Variants in FOXP1 observed in about 807,000 individuals in gnomAD.
The protein encoded by FOXP1 is forkhead box protein P1.
In FOXP1, 15 loss-of-function variants were observed where a neutral mutation model predicts 98.2. The ratio of observed to expected loss-of-function variants is 0.15; its 90% CI spans 0.10 to 0.24. The LOEUF (loss-of-function observed/expected upper bound fraction) is 0.24. FOXP1 is among the 10% of genes least tolerant of loss of function. The pLI, the probability that FOXP1 is intolerant of heterozygous loss-of-function variation, is 1.00. For synonymous variants in FOXP1, 371 were observed against 314.5 expected, an observed-to-expected ratio of 1.18 and a Z score of -1.90; for missense variants, 633 against 848.5, an observed-to-expected ratio of 0.75 and a Z score of 3.15.
At chr3:71,307,091 G>C (rs981132098) in intron 4 of FOXP1, among the ~76,000 whole-genome samples, 1 of 152,110 alleles carries the variant, frequency 6.6e-6, no homozygotes, top group African/African-American at 2.4e-5. Flanking sequence ...AAATGATTTT[G>C]ATTGAAACAT....
chr3:71,180,093 T>C (rs186222127), intron 6 of FOXP1, among the ~76,000 whole-genome samples: 4 of 152,244 alleles, frequency 2.6e-5, no homozygotes. Context: ...CAATATTTTA[T>C]GGGAGTTTTA....
At chr3:71,048,671 T>C (rs556307585) in intron 9 of FOXP1, among the ~76,000 whole-genome samples, 2 of 152,280 alleles carry the variant, frequency 1.3e-5, no homozygotes, top group African/African-American at 2.4e-5. Flanking sequence ...GATAGTTATA[T>C]TCATGTCAAA....
chr3:71,580,026 T>C (rs1045269201), intron 2 of FOXP1, among the ~76,000 whole-genome samples: 18 of 152,208 alleles, frequency 1.2e-4, no homozygotes, highest in South Asian at 4.1e-4. Flanking sequence ...AGTGAACATA[T>C]AGCCTTGCTG....
At chr3:71,039,119 A>C (rs2047995076) in intron 11 of FOXP1, among the ~76,000 whole-genome samples, 1 of 152,034 alleles carries the variant, frequency 6.6e-6, no homozygotes, top group Non-Finnish European at 1.5e-5. Flanking sequence ...AGATAATACA[A>C]ACTGAGAGAT....
intron 3 of FOXP1, among the ~76,000 whole-genome samples, chr3:71,430,991 C>A (rs181183585): frequency 1.3e-5 from 2 of 152,136 alleles, no homozygotes; most frequent in Non-Finnish European, 2.9e-5. Context: ...AGACATTCTA[C>A]CCCACCACTT....
At chr3:71,360,973 C>T (rs2078521775) in intron 3 of FOXP1, among the ~76,000 whole-genome samples, 1 of 152,094 alleles carries the variant, frequency 6.6e-6, no homozygotes, top group African/African-American at 2.4e-5. Context: ...TAAACTCAGG[C>T]CAGATTTGTC....
At chr3:71,246,192 C>T (rs115851888) in intron 5 of FOXP1, among the ~76,000 whole-genome samples, 213 of 152,222 alleles carry the variant, frequency 1.4e-3, no homozygotes, top group African/African-American at 4.2e-3. Context: ...GCCGTGGCTG[C>T]TCTTGAAAGC....
chr3:71,447,331 A>G (rs2108485274), intron 3 of FOXP1, among the ~76,000 whole-genome samples: 1 of 152,278 alleles, frequency 6.6e-6, no homozygotes, highest in African/African-American at 2.4e-5. Context: ...AGGCACCCCA[A>G]CGAGCTTACA....
intron 4 of FOXP1, among the ~76,000 whole-genome samples, chr3:71,345,607 A>C (rs2077287945): frequency 1.3e-5 from 2 of 152,154 alleles, no homozygotes; most frequent in East Asian, 1.9e-4. Context: ...GGTGTTATGC[A>C]AGATCCCTGC....
At chr3:71,090,913 G>A (rs2055744068) in intron 7 of FOXP1, among the ~76,000 whole-genome samples, 1 of 152,100 alleles carries the variant, frequency 6.6e-6, no homozygotes, top group African/African-American at 2.4e-5. Flanking sequence ...GTTGACAACT[G>A]CCACTCTCTG....
chr3:71,316,544 A>G (rs1275982473), intron 4 of FOXP1, among the ~76,000 whole-genome samples: 1 of 152,180 alleles, frequency 6.6e-6, no homozygotes, highest in Non-Finnish European at 1.5e-5. Context: ...GAACAAGCAC[A>G]ACAGTGGATC....
At chr3:71,016,632 A>G (rs576841496) in intron 11 of FOXP1, among the ~76,000 whole-genome samples, 1 of 149,692 alleles carries the variant, frequency 6.7e-6, no homozygotes, top group African/African-American at 2.5e-5. Flanking sequence ...TTGAACTTCA[A>G]GCACAATGAA....
chr3:71,284,263 A>G (rs2071874611), intron 5 of FOXP1, among the ~76,000 whole-genome samples: 1 of 152,140 alleles, frequency 6.6e-6, no homozygotes, highest in Non-Finnish European at 1.5e-5. Context: ...TCTAAAGAAA[A>G]GCAAATTAAT....
At chr3:71,514,476 G>A (rs916166964) in intron 2 of FOXP1, among the ~76,000 whole-genome samples, 2 of 152,178 alleles carry the variant, frequency 1.3e-5, no homozygotes, top group Non-Finnish European at 2.9e-5. Context: ...CAGAATGAGT[G>A]CCCACAAGGC....
At chr3:71,363,053 T>C (rs1269433587) in intron 3 of FOXP1, among the ~76,000 whole-genome samples, 1 of 152,130 alleles carries the variant, frequency 6.6e-6, no homozygotes, top group Non-Finnish European at 1.5e-5. Flanking sequence ...TTTGGTGTGA[T>C]AAATTTTGTC....
chr3:71,101,336 G>A (rs1447143624), intron 7 of FOXP1, among the ~76,000 whole-genome samples: 1 of 152,134 alleles, frequency 6.6e-6, no homozygotes, highest in Non-Finnish European at 1.5e-5. Context: ...GCACCCATGT[G>A]TGTGAAGGTT....
chr3:71,362,607 C>T (rs1172506157), intron 3 of FOXP1, among the ~76,000 whole-genome samples: 2 of 152,160 alleles, frequency 1.3e-5, no homozygotes, highest in Non-Finnish European at 2.9e-5. Context: ...GTAGCTGAGA[C>T]TACAGGCAGG....
At chr3:71,424,391 C>T (rs559750854) in intron 3 of FOXP1, among the ~76,000 whole-genome samples, 60 of 152,276 alleles carry the variant, frequency 3.9e-4, no homozygotes, top group African/African-American at 1.3e-3. Flanking sequence ...TTGTAATCCC[C>T]ACCATAACCT....
intron 12 of FOXP1, among the ~76,000 whole-genome samples, chr3:71,005,339 A>AAAC (rs1450157958): frequency 4.7e-5 from 7 of 150,288 alleles, no homozygotes; most frequent in African/African-American, 1.7e-4. Flanking sequence ...AAAAAAAAAA[A>AAAC]AACCAGAATC....
Sources: gnomAD v4.1 joint callset for allele counts (sites outside exome capture counted in the v4.1 genomes callset) on GRCh38, gnomAD v4.1.1 for gene constraint, MANE v1.5 for transcripts, NCBI Gene and HGNC (gene_info 2026-07-23, HGNC 2026-07-21) for gene names.